SUPT3H: variants seen among roughly 807,000 people sequenced by gnomAD.
SUPT3H encodes the protein transcription initiation protein SPT3 homolog.
SUPT3H carries 44 observed loss-of-function variants against 44.3 expected under a neutral mutation model. The observed-to-expected ratio is 0.99, with a 90% CI of 0.78 to 1.28. SUPT3H has a LOEUF of 1.28. Among genes scored for constraint, SUPT3H ranks in the 50% most tolerant of loss-of-function variants. The pLI, the probability that SUPT3H is intolerant of heterozygous loss-of-function variation, is 0.00. For missense variants in SUPT3H, 380 were observed against 387.1 expected (o/e 0.98, Z 0.15); for synonymous variants, 124 against 125.6 (o/e 0.99, Z 0.09).
intron 6 of SUPT3H, among the ~76,000 whole-genome samples, chr6:44,981,858 C>G (rs13218489): frequency 1.4e-5 from 2 of 142,140 alleles, no homozygotes; most frequent in East Asian, 2.2e-4. Flanking sequence ...AACTCCATCT[C>G]TACATGACAT....
At chr6:45,357,918 CA>C (rs1290741319) in intron 2 of SUPT3H, among the ~76,000 whole-genome samples, 1 of 151,938 alleles carries the variant, frequency 6.6e-6, no homozygotes, top group African/African-American at 2.4e-5. Context: ...AATACATTCA[CA>C]AAAGAACATT....
At chr6:45,155,502 T>TAC (rs947696743) in intron 2 of SUPT3H, among the ~76,000 whole-genome samples, 4 of 152,170 alleles carry the variant, frequency 2.6e-5, no homozygotes, top group African/African-American at 9.6e-5. Context: ...CTTTTAACAC[T>TAC]ACATTGTTAC....
At chr6:45,004,748 C>A (rs1046679025) in intron 5 of SUPT3H, among the ~76,000 whole-genome samples, 1 of 151,998 alleles carries the variant, frequency 6.6e-6, no homozygotes, top group Non-Finnish European at 1.5e-5. Context: ...CTGTTTTATT[C>A]ATTTATATTT....
chr6:45,134,915 CT>C (rs1804037936), intron 2 of SUPT3H, among the ~76,000 whole-genome samples: 1 of 152,156 alleles, frequency 6.6e-6, no homozygotes, highest in Non-Finnish European at 1.5e-5. Flanking sequence ...AGCTCTACCC[CT>C]ACAGCAGGTT....
intron 2 of SUPT3H, among the ~76,000 whole-genome samples, chr6:45,323,812 A>G (rs1258795680): frequency 6.6e-6 from 1 of 152,100 alleles, no homozygotes; most frequent in Non-Finnish European, 1.5e-5. Flanking sequence ...GCCATGTTCC[A>G]TAGCACAAAG....
intron 2 of SUPT3H, among the ~76,000 whole-genome samples, chr6:45,309,585 T>C (rs1447331589): frequency 6.6e-6 from 1 of 151,854 alleles, no homozygotes; most frequent in Non-Finnish European, 1.5e-5. Context: ...CTTATTTAAA[T>C]AAATAGCAGA....
At chr6:45,179,055 C>T (rs190280859) in intron 2 of SUPT3H, among the ~76,000 whole-genome samples, 34,866 of 151,766 alleles carry the variant, frequency 0.23, 4,623 homozygotes, top group Non-Finnish European at 0.31. Flanking sequence ...ATATCACCAC[C>T]GATCCCACAG....
In SUPT3H at chr6:45,283,628, A is replaced by T. The variant is rs1413028735; in HGVS notation, c.101+81573T>A. Among the ~76,000 whole-genome samples, 5 of 152,122 alleles carry T rather than the reference A, an allele frequency of 3.3e-5. No individual in the cohort carries two copies. The South Asian group carries it at 6.2e-4, about 19-fold the overall frequency. Reference sequence around the variant, plus strand: ...ACAAAGAGACTTAGACTCCCACACGATAATAATGGGAGACTTTAACACCCC... The same window carrying T: ...ACAAAGAGACTTAGACTCCCACACGTTAATAATGGGAGACTTTAACACCCC... On this transcript the variant is annotated intron_variant, in intron 2 of 10. Coordinates refer to ENST00000371459, the MANE Select transcript of SUPT3H (RefSeq NM_003599.4).
At chr6:45,014,452 C>A (rs376324390) in intron 5 of SUPT3H, among the ~76,000 whole-genome samples, 2 of 152,154 alleles carry the variant, frequency 1.3e-5, no homozygotes, top group East Asian at 1.9e-4. Context: ...AGGAAACTGA[C>A]CCTCAAGGTC....
intron 10 of SUPT3H, among the ~76,000 whole-genome samples, chr6:44,905,675 T>C (rs1221402994): frequency 6.6e-6 from 1 of 152,170 alleles, no homozygotes; most frequent in Non-Finnish European, 1.5e-5. Context: ...ACTGGGTATA[T>C]ACCCAAAGGA....
chr6:45,296,376 G>A (rs560361742), intron 2 of SUPT3H, among the ~76,000 whole-genome samples: 2 of 152,106 alleles, frequency 1.3e-5, no homozygotes, highest in African/African-American at 2.4e-5. Context: ...AGAATGCAAA[G>A]GCATAAGAAT....
intron 11 of SUPT3H, among the ~76,000 whole-genome samples, chr6:44,816,370 TAGATAAG>T (rs1307053358): frequency 2.0e-5 from 3 of 152,190 alleles, no homozygotes; most frequent in African/African-American, 7.2e-5. Flanking sequence ...TTTGTTAACT[TAGATAAG>T]GGACAAATAA....
intron 10 of SUPT3H, among the ~76,000 whole-genome samples, chr6:44,836,693 GC>G (rs1769974672): frequency 6.6e-6 from 1 of 152,034 alleles, no homozygotes; most frequent in Non-Finnish European, 1.5e-5. Context: ...ATTCATAATT[GC>G]CCAAGTCATT....
At chr6:44,976,927 T>C (rs1164369699) in intron 6 of SUPT3H, among the ~76,000 whole-genome samples, 3 of 152,188 alleles carry the variant, frequency 2.0e-5, no homozygotes, top group Admixed American at 6.5e-5. Flanking sequence ...CCTGTAATTA[T>C]GGTTATTTAA....
In SUPT3H at chr6:45,287,081, G is replaced by A. The variant is rs565057237; in HGVS notation, c.101+78120C>T. Among the ~76,000 whole-genome samples the A allele has an allele frequency of 4.5e-3, 680 of 152,072 alleles. 4 individuals carry two copies. The highest frequency in any genetic ancestry group is 0.015 in the African/African-American group (618 of 41,470). On this transcript the variant is annotated intron_variant, in intron 2 of 10. Coordinates refer to ENST00000371459, the MANE Select transcript of SUPT3H (RefSeq NM_003599.4). ...CACAGGAAGGGGAACATCACACACC[G>A]GAGCCTGTTGTGGGGTCGGAGGAGA... is the stretch of plus-strand genomic sequence containing the variant.
At chr6:45,270,940 C>A (rs1409877918) in intron 2 of SUPT3H, among the ~76,000 whole-genome samples, 1 of 152,190 alleles carries the variant, frequency 6.6e-6, no homozygotes, top group African/African-American at 2.4e-5. Context: ...GCAAAGGTGA[C>A]TCTTATGTTT....
intron 2 of SUPT3H, among the ~76,000 whole-genome samples, chr6:45,301,117 A>G (rs535315642): frequency 2.0e-5 from 3 of 152,140 alleles, no homozygotes; most frequent in Admixed American, 6.5e-5. Context: ...GGTCCTGGCA[A>G]TTCTGTGGCA....
intron 2 of SUPT3H, among the ~76,000 whole-genome samples, chr6:45,243,087 G>A (rs143111827): frequency 1.1e-3 from 168 of 151,412 alleles, no homozygotes; most frequent in Non-Finnish European, 2.0e-3. Flanking sequence ...CCAGCTAGTC[G>A]GGAGGCTGCG....
chr6:44,815,012 T>C (rs1319694966), intron 11 of SUPT3H, among the ~76,000 whole-genome samples: 1 of 152,060 alleles, frequency 6.6e-6, no homozygotes, highest in Non-Finnish European at 1.5e-5. Flanking sequence ...CTCTGCAGTC[T>C]TAAAAAAAAG....
Sources: allele counts gnomAD v4.1 joint callset (sites outside exome capture counted in the v4.1 genomes callset), GRCh38; gene constraint gnomAD v4.1.1; transcripts MANE v1.5; gene names NCBI Gene and HGNC (gene_info 2026-07-23, HGNC 2026-07-21).